The following RFC1 variants were observed in gnomAD, a reference collection of about 807,000 sequenced individuals.
RFC1 encodes the protein A1 140 kDa subunit.
RFC1 carries 37 observed loss-of-function variants against 137.4 expected under a neutral mutation model. The observed-to-expected ratio is 0.27, with a 90% CI of 0.21 to 0.35. RFC1 has a LOEUF of 0.35. Among genes scored for constraint, RFC1 ranks in the 10% least tolerant of loss-of-function variants. The probability of loss-of-function intolerance (pLI) is 1.00; values close to 1 mark genes in which losing one functional copy is unlikely to be tolerated. For synonymous variants in RFC1, 429 were observed against 455.7 expected (o/e 0.94, Z 0.75); for missense variants, 1,205 against 1,358.5 (o/e 0.89, Z 1.78).
At chr4:39,321,221 A>G in intron 8 of RFC1, 66 bp downstream of exon 8, 1 of 1,224,338 alleles carries the variant, frequency 8.2e-7, no homozygotes, top group Non-Finnish European at 1.2e-6. Context: ...ATACTTAAAC[A>G]AGATTATCAT....
intron 6 of RFC1, among the ~76,000 whole-genome samples, chr4:39,325,256 T>G (rs1739706177): frequency 6.6e-6 from 1 of 152,232 alleles, no homozygotes. Flanking sequence ...GCCTTTCCAT[T>G]TGGAAGTCTA....
At chr4:39,295,336 T>G (rs17335473) in intron 22 of RFC1, among the ~76,000 whole-genome samples, 1 of 152,186 alleles carries the variant, frequency 6.6e-6, no homozygotes, top group South Asian at 2.1e-4. Flanking sequence ...ACAGTAACAG[T>G]GCCACCTCAG....
At position 39,321,391 on chromosome 4, in the gene RFC1, A is replaced by G; in HGVS notation, c.721-17T>C. 1.2e-6 allele frequency: 2 copies of G among 1,607,806 alleles called. No individual in the cohort carries two copies. The highest frequency in any genetic ancestry group is 8.5e-7 in the Non-Finnish European group (1 of 1,175,640). On this transcript the variant is annotated splice_polypyrimidine_tract_variant and intron_variant, in intron 7 of 24. Transcript: ENST00000349703. ...CTTTCGAGCCTAAACAAATTTTAAA[A>G]GTGTCAAATGTGACAAATAATAGAA...
intron 1 of RFC1, among the ~76,000 whole-genome samples, chr4:39,358,516 G>A (rs2109775510): frequency 6.6e-6 from 1 of 152,230 alleles, no homozygotes; most frequent in Middle Eastern, 3.4e-3. Context: ...AACGCACCGT[G>A]AGCCACGCGC....
chr4:39,299,864 G>A (rs569954960), intron 21 of RFC1, among the ~76,000 whole-genome samples, 157 bp downstream of exon 21: 20 of 151,916 alleles, frequency 1.3e-4, no homozygotes, highest in Admixed American at 7.9e-4. Flanking sequence ...CCAGTGAGCC[G>A]AGATCATACC....
intron 4 of RFC1, among the ~76,000 whole-genome samples, chr4:39,340,440 T>C (rs753905033): frequency 1.2e-4 from 19 of 152,326 alleles, no homozygotes; most frequent in Non-Finnish European, 2.4e-4. Context: ...GAATGAGGTA[T>C]TGCCCAATTC....
intron 1 of RFC1, among the ~76,000 whole-genome samples, chr4:39,359,223 G>A (rs1741627896): frequency 6.6e-6 from 1 of 152,056 alleles, no homozygotes; most frequent in African/African-American, 2.4e-5. Context: ...CTTGATTCAG[G>A]ACTTCTTTTG....
intron 12 of RFC1, among the ~76,000 whole-genome samples, chr4:39,309,676 T>G (rs1453689662): frequency 6.6e-6 from 1 of 152,224 alleles, no homozygotes; most frequent in Non-Finnish European, 1.5e-5. Flanking sequence ...GTGGATAGAA[T>G]GAGTGGCTGC....
intron 5 of RFC1, among the ~76,000 whole-genome samples, chr4:39,326,965 T>C (rs1466085551): frequency 6.6e-6 from 1 of 152,200 alleles, no homozygotes; most frequent in African/African-American, 2.4e-5. Context: ...GGCAAACCAA[T>C]ATGTGAGAAT....
chr4:39,310,675 T>A (rs1165492105), intron 12 of RFC1, among the ~76,000 whole-genome samples: 1 of 152,202 alleles, frequency 6.6e-6, no homozygotes, highest in African/African-American at 2.4e-5. Flanking sequence ...TCCCTGCCCA[T>A]AGTTTAGTTA....
chr4:39,329,911 T>C (rs972905847), intron 4 of RFC1, among the ~76,000 whole-genome samples: 3 of 152,062 alleles, frequency 2.0e-5, no homozygotes, highest in African/African-American at 7.2e-5. Context: ...GGAGTATGCC[T>C]GTAATCCCAG....
At chr4:39,338,943 GTTGCATTCTCTA>G (rs1324796069) in intron 4 of RFC1, among the ~76,000 whole-genome samples, 1 of 152,036 alleles carries the variant, frequency 6.6e-6, no homozygotes, top group African/African-American at 2.4e-5. Context: ...TGCAACCACT[GTTGCATTCTCTA>G]TTGACTTCTT....
chr4:39,355,566 A>G (rs985615702), intron 1 of RFC1, among the ~76,000 whole-genome samples: 4 of 152,236 alleles, frequency 2.6e-5, no homozygotes, highest in Admixed American at 2.0e-4. Flanking sequence ...AACACACATA[A>G]AAAATGCTAG....
intron 14 of RFC1, 71 bp from the exon 15 acceptor site, chr4:39,304,999 A>G (rs1738565775): frequency 1.2e-6 from 1 of 852,178 alleles, no homozygotes; most frequent in Non-Finnish European, 2.0e-6. Flanking sequence ...AAGAAAGGCC[A>G]GTTAAGAAAG....
Position 39,337,573 on chromosome 4 carries a change from T to C in RFC1, c.331+4772A>G, listed in dbSNP as rs532889093. ...ATACAGAATTTTAGTGTACAAATTA[T>C]TGATTTTTTAACAAGTATAATCAAA... is the stretch of plus-strand genomic sequence containing the variant. On this transcript the variant is annotated intron_variant, in intron 4 of 24. Transcript: ENST00000349703. Among the ~76,000 whole-genome samples, 10 of 152,224 alleles carry C rather than the reference T, an allele frequency of 6.6e-5. No homozygotes were observed. In the East Asian group the frequency reaches 1.7e-3, roughly 26 times the overall value.
chr4:39,291,503 T>C (rs1737671712), intron 23 of RFC1, 136 bp downstream of exon 23: 1 of 655,740 alleles, frequency 1.5e-6, no homozygotes, highest in Non-Finnish European at 2.7e-6. Context: ...CTTTGGAAAA[T>C]ATAGGCCATA....
At chr4:39,322,507 G>A (rs144746670) in intron 7 of RFC1, 1 of 152,304 alleles carries the variant, frequency 6.6e-6, no homozygotes, top group East Asian at 1.9e-4. Flanking sequence ...ACAAAACTGT[G>A]CTTCCTGAAA....
At position 39,302,280 on chromosome 4, in the gene RFC1, T is replaced by C. The variant is rs771956490; in HGVS notation, c.2533A>G (p.Met845Val). 4.4e-6 allele frequency: 7 copies of C among 1,599,598 alleles called. No individual in the cohort carries two copies. The highest frequency in any genetic ancestry group is 8.6e-7 in the Non-Finnish European group (1 of 1,166,878). ...TAAGACATGGACATTTATTTTACCATTTTGATATCCTTTTTGGCTCTGTGA... is the reference window on the plus strand; with the variant it reads ...TAAGACATGGACATTTATTTTACCACTTTGATATCCTTTTTGGCTCTGTGA... ...DSHRAKKDIK[M>V]GPFDVARKVF... is the part of the protein sequence containing the mutation. The change falls in exon 19 of 25, where the codon ATG (methionine) becomes GTG (valine). Residue 845 changes from methionine to valine, a missense_variant and splice_region_variant. Transcript: ENST00000349703.
intron 12 of RFC1, among the ~76,000 whole-genome samples, chr4:39,311,175 T>C (rs1032238848): frequency 4.6e-5 from 7 of 152,064 alleles, no homozygotes; most frequent in Non-Finnish European, 1.0e-4. Flanking sequence ...AATAGTAATA[T>C]GGAAAATAAG....
Sources: allele counts gnomAD v4.1 joint callset (sites outside exome capture counted in the v4.1 genomes callset), GRCh38; gene constraint gnomAD v4.1.1; transcripts MANE v1.5; gene names NCBI Gene and HGNC (gene_info 2026-07-23, HGNC 2026-07-21).